Variants in PCDHGA9 observed in about 807,000 individuals in gnomAD.
PCDHGA9 encodes the protein protocadherin gamma-A9.
In PCDHGA9, 37 loss-of-function variants were observed where a neutral mutation model predicts 62.5. That is an observed-to-expected ratio of 0.59 (90% confidence interval 0.46 to 0.78). The LOEUF is 0.78. Ranked by LOEUF, PCDHGA9 falls within the 30% of genes least tolerant of loss-of-function variation. PCDHGA9 has a pLI of 0.00. For synonymous variants in PCDHGA9, 459 were observed against 484.6 expected (o/e 0.95, Z 0.69); for missense variants, 1,138 against 1,166.2 (o/e 0.98, Z 0.35).
chr5:141,407,977 G>A (rs943554200), intron 1 of PCDHGA9: 7 of 747,538 alleles, frequency 9.4e-6, no homozygotes, highest in African/African-American at 8.8e-5. Context: ...TGACGCCGGG[G>A]ATCCGTCAGC....
chr5:141,420,722 A>T (rs1428516588), intron 1 of PCDHGA9, among the ~76,000 whole-genome samples: 4 of 152,226 alleles, frequency 2.6e-5, no homozygotes, highest in Admixed American at 6.5e-5. Flanking sequence ...CGTTCCTTTC[A>T]GTCGGTTAAA....
chr5:141,415,745 T>C, intron 1 of PCDHGA9: 1 of 517,922 alleles, frequency 1.9e-6, no homozygotes, highest in Non-Finnish European at 2.4e-6. Context: ...TTAAGGTTTT[T>C]TTTTTTTTTT....
intron 3 of PCDHGA9, among the ~76,000 whole-genome samples, chr5:141,506,320 G>A (rs1054880362): frequency 8.6e-5 from 13 of 151,966 alleles, no homozygotes; most frequent in South Asian, 8.3e-4. Flanking sequence ...ATGGTGGTGC[G>A]TGCCTGTAGT....
At position 141,485,709 on chromosome 5, in the gene PCDHGA9, C is replaced by A. The variant is rs2099618118; in HGVS notation, c.2425-9098C>A. On this transcript the variant is annotated intron_variant, in intron 1 of 3. Transcript: ENST00000573521. This position sits in a 1 kb window ranked among gnomAD's most constrained non-coding sequence, Gnocchi z 5.7. ...AGGCTGAGCTCCAATGAACACTTTGCACTGGATGTGAAGAAGCGCAGCGAC... is the reference window on the plus strand; with the variant it reads ...AGGCTGAGCTCCAATGAACACTTTGAACTGGATGTGAAGAAGCGCAGCGAC... The A allele has an allele frequency of 1.2e-6, 2 of 1,614,128 alleles. No homozygotes were observed. The highest frequency in any genetic ancestry group is 1.7e-6 in the Non-Finnish European group (2 of 1,180,028).
Position 141,418,242 on chromosome 5 carries a change from A to T in PCDHGA9, c.2424+12866A>T, listed in dbSNP as rs779996033. ...ATTGTGGTGATTGAGGATGTTAATG[A>T]CCACGCCCCTCAATTCCGGAAAGAT... On this transcript the variant is annotated intron_variant, in intron 1 of 3. Transcript: ENST00000573521. The T allele has an allele frequency of 3.7e-6, 6 of 1,613,896 alleles. No individual in the cohort carries two copies. The East Asian group carries it at 1.3e-4, about 36-fold the overall frequency.
At chr5:141,407,117 C>T (rs1412216570) in intron 1 of PCDHGA9, among the ~76,000 whole-genome samples, 1 of 152,098 alleles carries the variant, frequency 6.6e-6, no homozygotes, top group African/African-American at 2.4e-5. Flanking sequence ...ATTTGGGTTT[C>T]AGTTGCTTTA....
intron 1 of PCDHGA9, chr5:141,408,821 T>C (rs774934223): frequency 1.4e-5 from 23 of 1,613,250 alleles, no homozygotes; most frequent in African/African-American, 2.7e-5. Flanking sequence ...AGAACAGAGA[T>C]CTCATAGCTT....
chr5:141,491,450 C>G lies in PCDHGA9; in HGVS notation c.2425-3357C>G. ...CAGTGCTGCAGGCGCCAGGACTCAC[C>G]CTCCCCGGACTTCTATAAGCAGTCC... On this transcript the variant is annotated intron_variant, in intron 1 of 3. Transcript: ENST00000573521. The surrounding 1 kb of genome is among the most constrained non-coding windows in gnomAD (Gnocchi z 6.9). The G allele has an allele frequency of 1.2e-6, 2 of 1,614,110 alleles. No homozygotes were observed. Among genetic ancestry groups the G allele is most frequent in the Non-Finnish European group, 1.7e-6 (2 of 1,180,044 alleles).
chr5:141,413,793 C>G, intron 1 of PCDHGA9: 1 of 1,613,106 alleles, frequency 6.2e-7, no homozygotes, highest in South Asian at 1.1e-5. Context: ...CCCTAGATCG[C>G]GAGGAAGAGG....
At chr5:141,451,535 A>G (rs150174911) in intron 1 of PCDHGA9, among the ~76,000 whole-genome samples, 2 of 152,328 alleles carry the variant, frequency 1.3e-5, no homozygotes, top group Non-Finnish European at 2.9e-5. Flanking sequence ...GGAGAGTGCC[A>G]GAGAGGGCAA....
Position 141,477,447 on chromosome 5 carries a change from G to C in PCDHGA9, c.2425-17360G>C, listed in dbSNP as rs779097830. On this transcript the variant is annotated intron_variant, in intron 1 of 3. Coordinates refer to ENST00000573521, the MANE Select transcript of PCDHGA9 (RefSeq NM_018921.3). The surrounding 1 kb of genome is among the most constrained non-coding windows in gnomAD (Gnocchi z 4.9). ...TCCCTCTCAGCCCTTACAATAGTGCGTGTTCAAGTGTCCGACATCAATGAC... is the reference window on the plus strand; with the variant it reads ...TCCCTCTCAGCCCTTACAATAGTGCCTGTTCAAGTGTCCGACATCAATGAC... The C allele has an allele frequency of 1.6e-5, 26 of 1,614,098 alleles. No individual in the cohort carries two copies. Among genetic ancestry groups the C allele is most frequent in the Non-Finnish European group, 2.2e-5 (26 of 1,180,016 alleles).
chr5:141,509,601 G>A (rs2099877534), intron 3 of PCDHGA9, among the ~76,000 whole-genome samples: 1 of 152,144 alleles, frequency 6.6e-6, no homozygotes, highest in Non-Finnish European at 1.5e-5. Flanking sequence ...ATTCCGAGAG[G>A]CTGCATTCTA....
chr5:141,490,730 A>C lies in PCDHGA9; in HGVS notation c.2425-4077A>C. On this transcript the variant is annotated intron_variant, in intron 1 of 3. Coordinates refer to ENST00000573521, the MANE Select transcript of PCDHGA9 (RefSeq NM_018921.3). This position sits in a 1 kb window ranked among gnomAD's most constrained non-coding sequence, Gnocchi z 5.4. ...CTCACCTACTCCATTGTAGGAAATC[A>C]GGTTCAGGGAGCCCCAGCCTCCTCC... 6.2e-7 allele frequency: 1 copy of C among 1,614,188 alleles called. No homozygotes were observed. Among genetic ancestry groups the C allele is most frequent in the Non-Finnish European group, 8.5e-7 (1 of 1,180,024 alleles).
rs781267293 is a variant in PCDHGA9 at position 141,489,926 on chromosome 5, C to T, written c.2425-4881C>T. 1.2e-6 allele frequency: 2 copies of T among 1,614,222 alleles called. No individual in the cohort carries two copies. The highest frequency in any genetic ancestry group is 2.2e-5 in the East Asian group (1 of 44,878). On this transcript the variant is annotated intron_variant, in intron 1 of 3. Coordinates refer to ENST00000573521, the MANE Select transcript of PCDHGA9 (RefSeq NM_018921.3). The surrounding 1 kb of genome is among the most constrained non-coding windows in gnomAD (Gnocchi z 4.5). Reference sequence around the variant, plus strand: ...GCCCGCTCAGGGACCACCCTTATCTCTGTCATCGTGCTGGACATCAATGAT... The same window carrying T: ...GCCCGCTCAGGGACCACCCTTATCTTTGTCATCGTGCTGGACATCAATGAT...
intron 1 of PCDHGA9, chr5:141,421,710 A>G (rs781498853): frequency 1.2e-6 from 2 of 1,613,940 alleles, no homozygotes; most frequent in South Asian, 2.2e-5. Flanking sequence ...CTAGGGATCC[A>G]GATGTGGGCG....
In PCDHGA9 at chr5:141,511,125, A is replaced by T. The variant is rs755685600; in HGVS notation, c.2751A>T (p.Ala917=). Residue 917 remains alanine, a synonymous_variant, in exon 4 of 4, where the codon GCA becomes GCT. Transcript: ENST00000573521. ...GCAAGCGGGATGGCAAGGCCCCAGCAGGTGGCAATGGCAACAAGAAGAAGT... is the reference window on the plus strand; with the variant it reads ...GCAAGCGGGATGGCAAGGCCCCAGCTGGTGGCAATGGCAACAAGAAGAAGT... ...AAGKRDGKAP[A]GGNGNKKKSG... 2 of 1,614,216 alleles carry T rather than the reference A, an allele frequency of 1.2e-6. No individual in the cohort carries two copies. The highest frequency in any genetic ancestry group is 2.2e-5 in the South Asian group (2 of 91,092).
chr5:141,431,411 G>A lies in PCDHGA9; in HGVS notation c.2424+26035G>A. On this transcript the variant is annotated intron_variant, in intron 1 of 3. Coordinates refer to ENST00000573521, the MANE Select transcript of PCDHGA9 (RefSeq NM_018921.3). This position sits in a 1 kb window ranked among gnomAD's most constrained non-coding sequence, Gnocchi z 4.8. ...CCTGGTCCTTACGGCCTCCGACGGG[G>A]GCGACCCGGTGCGCACAGGCACCGC... 3 of 1,613,728 alleles carry A rather than the reference G, an allele frequency of 1.9e-6. No individual in the cohort carries two copies. The highest frequency in any genetic ancestry group is 2.5e-6 in the Non-Finnish European group (3 of 1,180,038).
At chr5:141,427,570 C>T (rs1487817661) in intron 1 of PCDHGA9, 1 of 662,270 alleles carries the variant, frequency 1.5e-6, no homozygotes, top group Admixed American at 2.1e-5. Context: ...GGCAAGCCTC[C>T]GCTCTCATCC....
At position 141,419,393 on chromosome 5, in the gene PCDHGA9, G is replaced by A. The variant is rs1226844501; in HGVS notation, c.2424+14017G>A. On this transcript the variant is annotated intron_variant, in intron 1 of 3. Transcript: ENST00000573521. The stretch of plus-strand genomic sequence containing the variant: ...CTACGTGTCCGTGAGCGCGCAGAGC[G>A]GGGTGGTGTTCGCGCAGCGCGCCTT... 6.2e-7 allele frequency: 1 copy of A among 1,613,502 alleles called. No homozygotes were observed. Among genetic ancestry groups the A allele is most frequent in the Non-Finnish European group, 8.5e-7 (1 of 1,179,920 alleles).
Sources: allele counts gnomAD v4.1 joint callset (sites outside exome capture counted in the v4.1 genomes callset), GRCh38; gene constraint gnomAD v4.1.1; non-coding constraint Gnocchi (gnomAD v3.1); transcripts MANE v1.5; gene names NCBI Gene and HGNC (gene_info 2026-07-23, HGNC 2026-07-21).